Variants in RAB3IP observed in about 807,000 individuals in gnomAD.
The protein encoded by RAB3IP is RAB3A interacting protein.
A neutral mutation model predicts 59.1 loss-of-function variants in RAB3IP; 36 were observed. That is an observed-to-expected ratio of 0.61 (90% CI 0.47 to 0.80). The LOEUF (loss-of-function observed/expected upper bound fraction) is 0.80. Among genes scored for constraint, RAB3IP ranks in the 30% least tolerant of loss-of-function variants. The pLI, the probability that RAB3IP is intolerant of heterozygous loss-of-function variation, is 0.00. For synonymous variants in RAB3IP, 207 were observed against 191.2 expected (o/e 1.08, Z -0.68); for missense variants, 511 against 536.0 (o/e 0.95, Z 0.46).
chr12:69,794,415 T>G, intron 4 of RAB3IP, 22 bp from the exon 5 acceptor site: 1 of 1,588,152 alleles, frequency 6.3e-7, no homozygotes, highest in Non-Finnish European at 8.6e-7. Flanking sequence ...GTTTCTAAAA[T>G]TTGAGATGTT....
intron 10 of RAB3IP, 59 bp downstream of exon 10, chr12:69,813,092 A>AAC: frequency 8.0e-7 from 1 of 1,244,730 alleles, no homozygotes. Flanking sequence ...AAGTATAAGT[A>AAC]AAGTTCAACA....
At chr12:69,786,037 T>C (rs956958432) in intron 4 of RAB3IP, among the ~76,000 whole-genome samples, 1 of 152,212 alleles carries the variant, frequency 6.6e-6, no homozygotes, top group African/African-American at 2.4e-5. Flanking sequence ...GTTTTTTTCC[T>C]AAAGATTTGT....
At chr12:69,788,985 T>C (rs1876176272) in intron 4 of RAB3IP, among the ~76,000 whole-genome samples, 1 of 152,048 alleles carries the variant, frequency 6.6e-6, no homozygotes, top group Non-Finnish European at 1.5e-5. Flanking sequence ...CTTGAAAAGT[T>C]TCTTGAGACG....
chr12:69,809,128 G>C (rs372458116), intron 8 of RAB3IP, among the ~76,000 whole-genome samples: 3 of 148,108 alleles, frequency 2.0e-5, no homozygotes, highest in East Asian at 4.0e-4. Flanking sequence ...TTGCTTGTCT[G>C]TAAAGTATTT....
At chr12:69,784,871 A>G (rs1341187014) in intron 4 of RAB3IP, 56 bp downstream of exon 4, 1 of 992,670 alleles carries the variant, frequency 1.0e-6, no homozygotes, top group Non-Finnish European at 1.6e-6. Flanking sequence ...TATATTGACA[A>G]AATTGTATTT....
rs1053845724 is a variant in RAB3IP at position 69,817,133 on chromosome 12, G to A, written c.*1687G>A. On this transcript the variant is annotated 3_prime_UTR_variant, in exon 11 of 11. Transcript: ENST00000247833. ...AAACAAATCCAGGAGATACTGTACG[G>A]TTTGAAAGAAAGGTAATCAAATACT... The A allele has an allele frequency of 6.6e-6, 1 of 152,126 alleles. No individual in the cohort carries two copies. The highest frequency in any genetic ancestry group is 1.5e-5 in the Non-Finnish European group (1 of 68,024). The allele number at this position is 152,126 out of a possible 1,614,324, so 9.4% of individuals were successfully genotyped here. A position where few individuals can be genotyped will look rare whatever the true frequency, so the allele number is the denominator to read the frequency against.
intron 4 of RAB3IP, among the ~76,000 whole-genome samples, chr12:69,790,970 A>G (rs997252088): frequency 6.6e-6 from 1 of 152,188 alleles, no homozygotes. Context: ...AGCAGTAAAA[A>G]CAGTATGGCA....
chr12:69,810,477 T>G (rs1162165903), intron 8 of RAB3IP, among the ~76,000 whole-genome samples: 1 of 152,206 alleles, frequency 6.6e-6, no homozygotes, highest in Non-Finnish European at 1.5e-5. Flanking sequence ...CGCTGGGAGC[T>G]GTAGACTGGA....
intron 8 of RAB3IP, among the ~76,000 whole-genome samples, chr12:69,803,423 CAA>C (rs2136253330): frequency 6.6e-6 from 1 of 151,844 alleles, no homozygotes; most frequent in Non-Finnish European, 1.5e-5. Context: ...TTGAGGAAGA[CAA>C]GATCATTCAA....
intron 8 of RAB3IP, among the ~76,000 whole-genome samples, chr12:69,809,970 C>T (rs1297245199): frequency 3.9e-5 from 6 of 152,180 alleles, no homozygotes; most frequent in Admixed American, 2.0e-4. Context: ...GGAGGAGAGG[C>T]GCTCTGATTT....
chr12:69,792,879 C>T (rs1342614957), intron 4 of RAB3IP, among the ~76,000 whole-genome samples: 2 of 152,228 alleles, frequency 1.3e-5, no homozygotes, highest in Middle Eastern at 3.4e-3. Context: ...AATCGTTCTC[C>T]GTTGGAGGTT....
Position 69,818,418 on chromosome 12 carries a change from T to C in RAB3IP, c.*2972T>C, listed in dbSNP as rs972233091. The C allele has an allele frequency of 2.6e-5, 4 of 151,826 alleles. No individual in the cohort carries two copies. The highest frequency in any genetic ancestry group is 4.4e-5 in the Non-Finnish European group (3 of 67,974). 9.4% of individuals were successfully genotyped at this position (151,826 alleles called of 1,614,324 possible). On this transcript the variant is annotated 3_prime_UTR_variant, in exon 11 of 11. Coordinates refer to ENST00000247833, the MANE Select transcript of RAB3IP (RefSeq NM_022456.5). ...GAATCATGATTGTGCCACTGCACTC[T>C]TACCTTGGGTGACAGAGTAAGATCA...
Position 69,815,547 on chromosome 12 carries a change from C to A in RAB3IP, c.*101C>A. 1.3e-6 allele frequency: 1 copy of A among 799,848 alleles called. No homozygotes were observed. The highest frequency in any genetic ancestry group is 2.1e-6 in the Non-Finnish European group (1 of 485,994). 49.5% of individuals were successfully genotyped at this position (799,848 alleles called of 1,614,324 possible). A position where few individuals can be genotyped will look rare whatever the true frequency, so the allele number is the denominator to read the frequency against. ...TTATTTCCAAGGAGTGAGCCTAAGACTTTTTTCCCCTTTTGCAAATTGCTC... is the reference window on the plus strand; with the variant it reads ...TTATTTCCAAGGAGTGAGCCTAAGAATTTTTTCCCCTTTTGCAAATTGCTC... On this transcript the variant is annotated 3_prime_UTR_variant, in exon 11 of 11. Coordinates refer to ENST00000247833, the MANE Select transcript of RAB3IP (RefSeq NM_022456.5).
intron 3 of RAB3IP, among the ~76,000 whole-genome samples, chr12:69,770,429 A>G (rs1872917567): frequency 6.6e-6 from 1 of 152,216 alleles, no homozygotes; most frequent in African/African-American, 2.4e-5. Context: ...AATGCTGTGT[A>G]AATAGTTGTT....
chr12:69,797,630 G>A (rs1025617626), intron 6 of RAB3IP, among the ~76,000 whole-genome samples: 13 of 151,220 alleles, frequency 8.6e-5, no homozygotes, highest in African/African-American at 1.2e-4. Flanking sequence ...CCACTAACTC[G>A]TCATCTAGCA....
At chr12:69,779,527 C>T (rs1874273639) in intron 3 of RAB3IP, among the ~76,000 whole-genome samples, 1 of 151,486 alleles carries the variant, frequency 6.6e-6, no homozygotes, top group Non-Finnish European at 1.5e-5. Context: ...TGTAAGCTTT[C>T]TTCATTCCTC....
chr12:69,746,004 C>T (rs974950149), intron 1 of RAB3IP, among the ~76,000 whole-genome samples: 3 of 152,106 alleles, frequency 2.0e-5, no homozygotes, highest in African/African-American at 4.8e-5. Flanking sequence ...AATGAATGCT[C>T]TGAAGATTAA....
intron 1 of RAB3IP, among the ~76,000 whole-genome samples, chr12:69,745,759 A>G (rs933433786): frequency 1.3e-5 from 2 of 152,164 alleles, no homozygotes; most frequent in South Asian, 2.1e-4. Context: ...TACTGCACCC[A>G]GGATTGTTCA....
rs140100670 is a variant in RAB3IP, at chr12:69,781,318, G to A, written c.511-3402G>A. On this transcript the variant is annotated intron_variant, in intron 3 of 10. Coordinates refer to ENST00000247833, the MANE Select transcript of RAB3IP (RefSeq NM_022456.5). ...TCCACACACGCACAGCATCCCCCCC[G>A]TTAGCATTCCCTACCAGAGTGGTAC... 1.2e-4 allele frequency among the ~76,000 whole-genome samples: 18 copies of A among 151,694 alleles called. No individual in the cohort carries two copies. The East Asian group carries it at 2.3e-3, about 20-fold the overall frequency.
Sources: gnomAD v4.1 joint callset for allele counts (sites outside exome capture counted in the v4.1 genomes callset) on GRCh38, gnomAD v4.1.1 for gene constraint, MANE v1.5 for transcripts, NCBI Gene and HGNC (gene_info 2026-07-23, HGNC 2026-07-21) for gene names.